LYPD4: variants seen among roughly 807,000 people sequenced by gnomAD.
LYPD4 encodes LY6/PLAUR domain containing 4.
LYPD4 carries 20 observed loss-of-function variants against 18.2 expected under a neutral mutation model. The observed-to-expected ratio is 1.10, with a 90% CI of 0.77 to 1.59. The LOEUF (loss-of-function observed/expected upper bound fraction) is 1.59. Among genes scored for constraint, LYPD4 ranks in the 40% most tolerant of loss-of-function variants. The probability of loss-of-function intolerance (pLI) is 0.00; values close to 1 mark genes in which losing one functional copy is unlikely to be tolerated. For missense variants in LYPD4, 278 were observed against 300.3 expected (o/e 0.93, Z 0.55); for synonymous variants, 111 against 118.3 (o/e 0.94, Z 0.40).
downstream of LYPD4, chr19:41,835,967 C>T (rs950653153): frequency 7.8e-6 from 2 of 255,586 alleles, no homozygotes; most frequent in Non-Finnish European, 6.1e-6. Flanking sequence ...AGGTACCCTA[C>T]GTCACTGCCT....
At position 41,843,695 on chromosome 19, in the gene LYPD4, T is replaced by C. The variant is rs1471373761; in HGVS notation, c.-238A>G. The C allele has an allele frequency of 6.6e-6, 1 of 151,752 alleles. No homozygotes were observed. Among genetic ancestry groups the C allele is most frequent in the Non-Finnish European group, 1.5e-5 (1 of 68,024 alleles). 9.4% of individuals were successfully genotyped at this position (151,752 alleles called of 1,614,324 possible). A position where few individuals can be genotyped will look rare whatever the true frequency, so the allele number is the denominator to read the frequency against. The stretch of plus-strand genomic sequence containing the variant: ...ACATGCTCTGTAACCCAGAAATCTG[T>C]GGCCAAGAAAGGTGCCAAGACCCGC... On this transcript the variant is annotated 5_prime_UTR_variant, in exon 1 of 5. Transcript: ENST00000609812.
Position 41,837,345 on chromosome 19 carries a change from C to A in LYPD4, c.539G>T (p.Gly180Val). 1 of 1,613,822 alleles carries A rather than the reference C, an allele frequency of 6.2e-7. No individual in the cohort carries two copies. The highest frequency in any genetic ancestry group is 8.5e-7 in the Non-Finnish European group (1 of 1,179,870). ...GAGGAGGAAGGTGGTATTGAGAAAC[C>A]CTGTAAGGAAGAGAGGGAGAAGTCA... ...CYSSTLKFQA[G>V]FLNTTFLLMG... Residue 180 changes from glycine (G) to valine (V), a missense_variant and splice_region_variant, in exon 5 of 5, where the codon GGG (glycine) becomes GTG (valine). Coordinates refer to ENST00000609812, the MANE Select transcript of LYPD4 (RefSeq NM_173506.7).
Position 41,837,164 on chromosome 19 carries a change from G to A in LYPD4, c.720C>T (p.Leu240=), listed in dbSNP as rs1555830628. 9 of 1,613,970 alleles carry A rather than the reference G, an allele frequency of 5.6e-6. No individual in the cohort carries two copies. In the South Asian group the frequency reaches 9.9e-5, roughly 18 times the overall value. Reference sequence around the variant, plus strand: ...ATGGTCAGTCCCTGAAGGCAAACAGGAGGCCTAAGACGACACCCCAAGCAG... The same window carrying A: ...ATGGTCAGTCCCTGAAGGCAAACAGAAGGCCTAAGACGACACCCCAAGCAG... ...QDPAWGVVLG[L]LFAFRD Residue 240 remains leucine (L), a synonymous_variant, in exon 5 of 5, where the codon CTC becomes CTT. Coordinates refer to ENST00000609812, the MANE Select transcript of LYPD4 (RefSeq NM_173506.7).
At chr19:41,837,026 C>G (rs1046926153), downstream of LYPD4, 21 of 1,513,000 alleles carry the variant, frequency 1.4e-5, no homozygotes, top group African/African-American at 2.8e-4. Context: ...CTTGGCCTTC[C>G]TCACACCTTC....
intron 1 of LYPD4, among the ~76,000 whole-genome samples, chr19:41,840,889 T>C (rs1464204092): frequency 1.3e-5 from 2 of 151,946 alleles, no homozygotes; most frequent in African/African-American, 4.8e-5. Context: ...GCTAAAGCAG[T>C]ATTTAGAAGT....
intron 1 of LYPD4, 93 bp downstream of exon 1, chr19:41,843,485 C>T (rs1373130387): frequency 6.6e-6 from 1 of 152,138 alleles, no homozygotes; most frequent in African/African-American, 2.4e-5. Flanking sequence ...CACTCTCTCT[C>T]CACTACCTAA....
chr19:41,837,892 G>A lies in LYPD4; in HGVS notation c.538+43C>T, dbSNP rs1555830998. On this transcript the variant is annotated intron_variant, in intron 4 of 4. Transcript: ENST00000609812. ...ATGTGAAGGTGCTGGACAATGCCTGGCAGAGAGTAGGCATTTGATAAACAA... is the reference window on the plus strand; with the variant it reads ...ATGTGAAGGTGCTGGACAATGCCTGACAGAGAGTAGGCATTTGATAAACAA... 5 of 1,528,584 alleles carry A rather than the reference G, an allele frequency of 3.3e-6. No individual in the cohort carries two copies. The East Asian group carries it at 1.1e-4, about 35-fold the overall frequency. 94.7% of individuals were successfully genotyped at this position (1,528,584 alleles called of 1,614,324 possible). A position where few individuals can be genotyped will look rare whatever the true frequency, so the allele number is the denominator to read the frequency against.
chr19:41,837,960 G>GT lies in LYPD4; in HGVS notation c.512dup (p.Tyr171Ter), dbSNP rs1203315415. 5.6e-6 allele frequency: 9 copies of GT among 1,611,354 alleles called. No individual in the cohort carries two copies. The highest frequency in any genetic ancestry group is 7.6e-6 in the Non-Finnish European group (9 of 1,178,200). Reference protein sequence around the residue: ...NSCPLAASTCYSSTLKFQAGF... With the variant: ...NSCPLAASTC ...CTGCCTGAAATTTTAAGGTGGAACT[G>GT]TAACACGTAGAAGCAGCCAAGGGGC... The change falls in exon 4 of 5, where the codon TAC becomes TAAC. Residue 171 changes from tyrosine (Y) to a stop codon, truncating the protein, a stop_gained and frameshift_variant. Coordinates refer to ENST00000609812, the MANE Select transcript of LYPD4 (RefSeq NM_173506.7). LOFTEE classifies it low-confidence loss of function (END_TRUNC).
chr19:41,841,796 G>A (rs537659684), intron 1 of LYPD4, among the ~76,000 whole-genome samples: 15 of 152,256 alleles, frequency 9.9e-5, no homozygotes, highest in African/African-American at 3.4e-4. Context: ...GTGTTGGCAG[G>A]TATGTGGGGA....
rs2073683715 is a variant in LYPD4, at chr19:41,843,061, AAAAAAAAAAAAAAAAAC to A, written c.-121+500_-121+516del. On this transcript the variant is annotated intron_variant, in intron 1 of 4. Transcript: ENST00000609812. ...AAAAAAAAAAAAAAAAAAAAAAAAAAAAAAAAAAAAAAAAAACCCCAACAACAACACTACACACATCC... is the reference window on the plus strand; with the variant it reads ...AAAAAAAAAAAAAAAAAAAAAAAAAACCCAACAACAACACTACACACATCC... 6.6e-3 allele frequency among the ~76,000 whole-genome samples: 361 copies of A among 55,112 alleles called. 29 individuals are homozygous for A. Among genetic ancestry groups the A allele is most frequent in the Non-Finnish European group, 9.4e-3 (265 of 28,088 alleles). The allele number at this position is 55,112 out of a possible 152,430, so 36.2% of individuals were successfully genotyped here.
At chr19:41,840,725 G>A (rs1163872299) in intron 1 of LYPD4, among the ~76,000 whole-genome samples, 2 of 151,998 alleles carry the variant, frequency 1.3e-5, no homozygotes, top group East Asian at 1.9e-4. Flanking sequence ...AACTACTTGG[G>A]AGGCTGAGGC....
chr19:41,838,056 G>A lies in LYPD4; in HGVS notation c.417C>T (p.Ser139=). 6.2e-7 allele frequency: 1 copy of A among 1,614,178 alleles called. No individual in the cohort carries two copies. The highest frequency in any genetic ancestry group is 8.5e-7 in the Non-Finnish European group (1 of 1,180,026). ...CGCCCACACAGGTCGGGCAGCTACA[G>A]GACGCAGATGTGATAGACTTAGGAG... ...ASTPKSITSA[S]CSCPTCVGEH... The change falls in exon 4 of 5, where the codon TCC becomes TCT. Residue 139 remains serine (S), a synonymous_variant. Transcript: ENST00000609812.
rs1555831211 is a variant in LYPD4 at position 41,838,066 on chromosome 19, G to A, written c.407C>T (p.Thr136Ile). 2 of 1,614,204 alleles carry A rather than the reference G, an allele frequency of 1.2e-6. No homozygotes were observed. The highest frequency in any genetic ancestry group is 3.3e-5 in the Admixed American group (2 of 60,030). The change falls in exon 4 of 5, where the codon ACA (threonine) becomes ATA (isoleucine). Residue 136 changes from threonine to isoleucine, a missense_variant. Thr to Ile is a moderately conservative substitution (Grantham distance 89). Transcript: ENST00000609812. ...KLKASTPKSI[T>I]SASCSCPTCV... ...GGTCGGGCAGCTACAGGACGCAGAT[G>A]TGATAGACTTAGGAGTGCTGGCCTT...
At position 41,838,222 on chromosome 19, in the gene LYPD4, G is replaced by T. The variant is rs374258552; in HGVS notation, c.251C>A (p.Ser84Ter). Residue 84 changes from serine to a stop codon, truncating the protein, a stop_gained, in exon 4 of 5, where the codon TCG becomes TAG. Transcript: ENST00000609812. LOFTEE classifies it high-confidence loss of function. ...GATTTGCGCAGGGTAAGACGAAGAC[G>T]AGCTGCAGCCTTTAAAGCCCACGAC... ...RGVVGFKGCS[S>*]SSSYPAQISY... The T allele has an allele frequency of 5.8e-6, 9 of 1,547,292 alleles. No homozygotes were observed. The highest frequency in any genetic ancestry group is 7.0e-6 in the Non-Finnish European group (8 of 1,145,506).
rs144330369 is a variant in LYPD4 at position 41,838,045 on chromosome 19, G to A, written c.428C>T (p.Pro143Leu). Residue 143 changes from proline (P) to leucine (L), a missense_variant, in exon 4 of 5, where the codon CCG (proline) becomes CTG (leucine). By Grantham distance (98) the Pro-to-Leu change is moderately conservative. Coordinates refer to ENST00000609812, the MANE Select transcript of LYPD4 (RefSeq NM_173506.7). ...CTTCATGTGCTCGCCCACACAGGTC[G>A]GGCAGCTACAGGACGCAGATGTGAT... ...KSITSASCSC[P>L]TCVGEHMKDC... is the part of the protein sequence containing the mutation. 277 of 1,614,140 alleles carry A rather than the reference G, an allele frequency of 1.7e-4. 1 individual carries two copies. In the Middle Eastern group the frequency reaches 2.0e-3, roughly 12 times the overall value.
At chr19:41,840,836 A>T (rs898804307) in intron 1 of LYPD4, among the ~76,000 whole-genome samples, 2 of 152,082 alleles carry the variant, frequency 1.3e-5, no homozygotes, top group Non-Finnish European at 2.9e-5. Context: ...TCTCAAAAAA[A>T]AAAAAAATAA....
chr19:41,837,813 G>A, intron 4 of LYPD4, 122 bp downstream of exon 4: 1 of 1,056,198 alleles, frequency 9.5e-7, no homozygotes, highest in Non-Finnish European at 1.3e-6. Context: ...GAATTCATGT[G>A]CCCTGTCCCT....
chr19:41,837,951 G>A lies in LYPD4; in HGVS notation c.522C>T (p.Thr174=), dbSNP rs782191672. 6 of 1,608,800 alleles carry A rather than the reference G, an allele frequency of 3.7e-6. No homozygotes were observed. Among genetic ancestry groups the A allele is most frequent in the Non-Finnish European group, 5.1e-6 (6 of 1,176,296 alleles). Residue 174 remains threonine (T), a synonymous_variant, in exon 4 of 5, where the codon ACC becomes ACT. Transcript: ENST00000609812. The part of the protein sequence containing the change: ...PLAASTCYSS[T]LKFQAGFLNT... Reference sequence around the variant, plus strand: ...TCCTCTCACCTGCCTGAAATTTTAAGGTGGAACTGTAACACGTAGAAGCAG... The same window carrying A: ...TCCTCTCACCTGCCTGAAATTTTAAAGTGGAACTGTAACACGTAGAAGCAG...
chr19:41,837,088 C>A lies in LYPD4; in HGVS notation c.*55G>T. ...AGGACAATGCAGAAAGGGAACTCTG[C>A]TATTTTATTTGTTATGTGAAAGAGT... On this transcript the variant is annotated 3_prime_UTR_variant, in exon 5 of 5. Coordinates refer to ENST00000609812, the MANE Select transcript of LYPD4 (RefSeq NM_173506.7). The A allele has an allele frequency of 1.9e-6, 3 of 1,610,264 alleles. No individual in the cohort carries two copies. Among genetic ancestry groups the A allele is most frequent in the Non-Finnish European group, 1.7e-6 (2 of 1,178,298 alleles).
Sources: allele counts gnomAD v4.1 joint callset (sites outside exome capture counted in the v4.1 genomes callset), GRCh38; gene constraint gnomAD v4.1.1; transcripts MANE v1.5; gene names NCBI Gene and HGNC (gene_info 2026-07-23, HGNC 2026-07-21).